PSD4: variants seen among roughly 807,000 people sequenced by gnomAD.
PSD4 encodes the protein pleckstrin and Sec7 domain containing 4, also known as PH and SEC7 domain-containing protein 4.
A neutral mutation model predicts 112.5 loss-of-function variants in PSD4; 59 were observed. The observed-to-expected ratio is 0.52, with a 90% CI of 0.43 to 0.65. PSD4 has a LOEUF of 0.65. PSD4 is among the 30% of genes least tolerant of loss of function. PSD4 has a pLI of 0.00. For synonymous variants in PSD4, 533 were observed against 540.0 expected (o/e 0.99, Z 0.18); for missense variants, 1,267 against 1,352.6 (o/e 0.94, Z 0.99).
intron 16 of PSD4, among the ~76,000 whole-genome samples, chr2:113,199,839 TTTTTGA>T (rs1688724759): frequency 6.6e-6 from 1 of 152,208 alleles, no homozygotes; most frequent in African/African-American, 2.4e-5. Context: ...TTTGTTTTTG[TTTTTGA>T]GACAAAGTCT....
At chr2:113,183,537 C>G (rs765206916) in intron 2 of PSD4, 25 bp downstream of exon 2, 1 of 1,511,816 alleles carries the variant, frequency 6.6e-7, no homozygotes, top group African/African-American at 1.4e-5. Context: ...GGGAACCAAC[C>G]GGGGCTGTGC....
rs780340873 is a variant in PSD4 at position 113,186,241 on chromosome 2, G to T, written c.1614G>T (p.Leu538=). ...ETGDVQPDIH[L]TSAEHENLRT... is the part of the protein sequence containing the mutation. ...GAGACGTCCAGCCTGACATTCACCT[G>T]ACTTCTGCAGAACAGTAAGTCTCAG... is the stretch of plus-strand genomic sequence containing the variant. The change falls in exon 5 of 17, where the codon CTG becomes CTT. Residue 538 remains leucine (L), a synonymous_variant. Coordinates refer to ENST00000245796, the MANE Select transcript of PSD4 (RefSeq NM_012455.3). 1 of 1,588,454 alleles carries T rather than the reference G, an allele frequency of 6.3e-7. No individual in the cohort carries two copies. Among genetic ancestry groups the T allele is most frequent in the South Asian group, 1.1e-5 (1 of 87,144 alleles).
rs749006682 is a variant in PSD4 at position 113,193,668 on chromosome 2, G to A, written c.2091+18G>A. The A allele has an allele frequency of 6.2e-7, 1 of 1,609,524 alleles. No homozygotes were observed. The highest frequency in any genetic ancestry group is 1.1e-5 in the South Asian group (1 of 90,984). The stretch of plus-strand genomic sequence containing the variant: ...ATGGACAGGTAAGACGGTGGAGAGA[G>A]TCCCTGTGGGAACTGAGGCTGTAAC... On this transcript the variant is annotated intron_variant, in intron 9 of 16. Transcript: ENST00000245796.
chr2:113,197,084 TA>T, intron 12 of PSD4: 1 of 211,274 alleles, frequency 4.7e-6, no homozygotes, highest in Non-Finnish European at 9.7e-6. Context: ...GGTGGAGAGG[TA>T]GGGGGAAAAG....
rs749307112 is a variant in PSD4 at position 113,192,620 on chromosome 2, A to T, written c.1838+31A>T. ...GGGCTTTGAGCCTGGGGAAGGCTGG[A>T]GGCTGAGGCAGCCAGGGAGGAGCTG... is the stretch of plus-strand genomic sequence containing the variant. On this transcript the variant is annotated intron_variant, in intron 6 of 16. Transcript: ENST00000245796. The T allele has an allele frequency of 1.2e-5, 19 of 1,606,238 alleles. No homozygotes were observed. In the Admixed American group the frequency reaches 2.7e-4, roughly 23 times the overall value.
In PSD4 at chr2:113,185,263, C is replaced by T. The variant is rs1688262809; in HGVS notation, c.1174-102C>T. 4.5e-6 allele frequency: 7 copies of T among 1,550,732 alleles called. No individual in the cohort carries two copies. The Admixed American group carries it at 1.0e-4, about 23-fold the overall frequency. ...AGGGGCTTCTGCCTACTCATGGCAT[C>T]CTTCCCCTCCCCTCCTTTCCCCTTC... On this transcript the variant is annotated intron_variant, in intron 3 of 16. Transcript: ENST00000245796.
intron 8 of PSD4, 68 bp downstream of exon 8, chr2:113,193,438 CA>C: frequency 6.6e-7 from 1 of 1,512,498 alleles, no homozygotes; most frequent in African/African-American, 1.4e-5. Context: ...CTTGGGAGTT[CA>C]GTAGGTGACA....
chr2:113,183,072 C>G lies in PSD4; in HGVS notation c.616C>G (p.Pro206Ala). 5 of 1,612,842 alleles carry G rather than the reference C, an allele frequency of 3.1e-6. No individual in the cohort carries two copies. Among genetic ancestry groups the G allele is most frequent in the Non-Finnish European group, 4.2e-6 (5 of 1,179,176 alleles). ...PGDTGLHSSPPENEDSGEDSS... is the reference protein window; with the variant it reads ...PGDTGLHSSPAENEDSGEDSS... Reference sequence around the variant, plus strand: ...GGACACGGGCCTGCACTCCAGCCCACCTGAGAATGAAGACTCAGGGGAAGA... The same window carrying G: ...GGACACGGGCCTGCACTCCAGCCCAGCTGAGAATGAAGACTCAGGGGAAGA... Residue 206 changes from proline (P) to alanine (A), a missense_variant, in exon 2 of 17, where the codon CCT becomes GCT. Pro to Ala is a conservative substitution (Grantham distance 27). Coordinates refer to ENST00000245796, the MANE Select transcript of PSD4 (RefSeq NM_012455.3).
chr2:113,189,435 T>C (rs565435718), intron 5 of PSD4, among the ~76,000 whole-genome samples: 3 of 152,046 alleles, frequency 2.0e-5, no homozygotes, highest in Non-Finnish European at 4.4e-5. Context: ...GTTGGTTCCA[T>C]GCTTTTGTGA....
rs2104509659 is a variant in PSD4, at chr2:113,199,194, C to T, written c.2881C>T (p.His961Tyr). ...GGGCCGTGGCCGCGAGCTGGAGGAGCACCGCCTGCGGAAGGAGTACCTGGA... is the reference window on the plus strand; with the variant it reads ...GGGCCGTGGCCGCGAGCTGGAGGAGTACCGCCTGCGGAAGGAGTACCTGGA... ...RRGRGRELEE[H>Y]RLRKEYLEYE... The change falls in exon 16 of 17, where the codon CAC (histidine) becomes TAC (tyrosine). Residue 961 changes from histidine (H) to tyrosine (Y), a missense_variant. Transcript: ENST00000245796. 2.0e-6 allele frequency: 3 copies of T among 1,519,454 alleles called. No individual in the cohort carries two copies. Among genetic ancestry groups the T allele is most frequent in the South Asian group, 1.2e-5 (1 of 82,022 alleles). 94.1% of individuals were successfully genotyped at this position (1,519,454 alleles called of 1,614,324 possible). A position where few individuals can be genotyped will look rare whatever the true frequency, so the allele number is the denominator to read the frequency against.
chr2:113,182,494 C>G lies in PSD4; in HGVS notation c.38C>G (p.Pro13Arg). Residue 13 changes from proline to arginine, a missense_variant, in exon 2 of 17, where the codon CCC becomes CGC. Pro to Arg is a moderately radical substitution (Grantham distance 103, BLOSUM62 -2). Transcript: ENST00000245796. ...GDYRLPDHPQ[P>R]MEILNLYLGD... ...TACAGACTCCCTGACCACCCCCAGC[C>G]CATGGAAATTCTCAACCTGTACTTG... The G allele has an allele frequency of 6.2e-6, 10 of 1,614,004 alleles. No homozygotes were observed. The highest frequency in any genetic ancestry group is 8.5e-6 in the Non-Finnish European group (10 of 1,179,890).
rs778302355 is a variant in PSD4, at chr2:113,182,518, T to C, written c.62T>C (p.Leu21Ser). The change falls in exon 2 of 17, where the codon TTG (leucine) becomes TCG (serine). Residue 21 changes from leucine to serine, a missense_variant. Physicochemically the swap from Leu to Ser is moderately radical, Grantham distance 145. Around this residue, in one of 2 missense-constraint regions of PSD4, gnomAD observed 723 missense variants for 704.0 expected, o/e 1.03. Coordinates refer to ENST00000245796, the MANE Select transcript of PSD4 (RefSeq NM_012455.3). ...PQPMEILNLY[L>S]GDSLEPHPGE... Reference sequence around the variant, plus strand: ...CCCATGGAAATTCTCAACCTGTACTTGGGAGACAGCCTGGAGCCCCACCCA... The same window carrying C: ...CCCATGGAAATTCTCAACCTGTACTCGGGAGACAGCCTGGAGCCCCACCCA... 6.2e-7 allele frequency: 1 copy of C among 1,614,132 alleles called. No homozygotes were observed.
At chr2:113,183,660 C>T (rs577848459) in intron 2 of PSD4, 148 bp downstream of exon 2, 110 of 680,076 alleles carry the variant, frequency 1.6e-4, no homozygotes, top group South Asian at 1.7e-4. Context: ...GGTAATAGAG[C>T]AGAAAATCAG....
rs1204142993 is a variant in PSD4 at position 113,198,896 on chromosome 2, G to A, written c.2769+12G>A. 6.4e-7 allele frequency: 1 copy of A among 1,568,508 alleles called. No homozygotes were observed. Among genetic ancestry groups the A allele is most frequent in the African/African-American group, 1.3e-5 (1 of 74,244 alleles). ...CCCAGAGCTCCCTGGTACGGCCTCC[G>A]GGAAGGGGTGGGGTCCGGCGGAACT... On this transcript the variant is annotated intron_variant, in intron 15 of 16. Transcript: ENST00000245796.
In PSD4 at chr2:113,183,463, C is replaced by T. The variant is rs750460803; in HGVS notation, c.1007C>T (p.Ala336Val). Reference protein sequence around the residue: ...KPHSICWASVAAAEGAPAAPP... With the variant: ...KPHSICWASVVAAEGAPAAPP... ...CACTCCATCTGCTGGGCCTCAGTGG[C>T]TGCCGCTGAGGGGGCTCCTGCAGCA... Residue 336 changes from alanine to valine, a missense_variant, in exon 2 of 17, where the codon GCT (alanine) becomes GTT (valine). Coordinates refer to ENST00000245796, the MANE Select transcript of PSD4 (RefSeq NM_012455.3). 13 of 1,591,380 alleles carry T rather than the reference C, an allele frequency of 8.2e-6. No homozygotes were observed. Among genetic ancestry groups the T allele is most frequent in the Middle Eastern group, 1.7e-4 (1 of 5,958 alleles).
At chr2:113,182,125 G>A (rs1266239790) in intron 1 of PSD4, among the ~76,000 whole-genome samples, 1 of 152,248 alleles carries the variant, frequency 6.6e-6, no homozygotes, top group African/African-American at 2.4e-5. Context: ...CAACAGATGG[G>A]TGTCTTTGGG....
chr2:113,190,993 GT>G (rs917096571), intron 5 of PSD4, among the ~76,000 whole-genome samples: 5 of 152,164 alleles, frequency 3.3e-5, no homozygotes, highest in Non-Finnish European at 7.4e-5. Flanking sequence ...TCTATTTTGG[GT>G]TGGGTGAACT....
chr2:113,185,736 A>G, intron 4 of PSD4, 141 bp from the exon 5 acceptor site: 1 of 1,549,612 alleles, frequency 6.5e-7, no homozygotes, highest in Non-Finnish European at 8.7e-7. Flanking sequence ...TGCAAGTGGG[A>G]GAGGTCACTG....
rs1424753373 is a variant in PSD4 at position 113,206,708 on chromosome 2, C to G, written c.*5293C>G. ...AACAATGCCTGGCACAGAAGGGACACCTGTGAGGTTAGCTATTAATTCATA... is the reference window on the plus strand; with the variant it reads ...AACAATGCCTGGCACAGAAGGGACAGCTGTGAGGTTAGCTATTAATTCATA... On this transcript the variant is annotated 3_prime_UTR_variant, in exon 17 of 17. Transcript: ENST00000245796. 1 of 152,260 alleles carries G rather than the reference C, an allele frequency of 6.6e-6. No homozygotes were observed. The highest frequency in any genetic ancestry group is 1.5e-5 in the Non-Finnish European group (1 of 68,076). 9.4% of individuals were successfully genotyped at this position (152,260 alleles called of 1,614,324 possible). A position where few individuals can be genotyped will look rare whatever the true frequency, so the allele number is the denominator to read the frequency against.
Sources: gnomAD v4.1 joint callset for allele counts (sites outside exome capture counted in the v4.1 genomes callset) on GRCh38, gnomAD v4.1.1 for gene constraint, gnomAD v4.1.1 regional missense constraint, MANE v1.5 for transcripts, NCBI Gene and HGNC (gene_info 2026-07-23, HGNC 2026-07-21) for gene names.